The following MS4A15 variants were observed in gnomAD, a reference collection of about 807,000 sequenced individuals.
MS4A15 encodes the protein membrane-spanning 4-domains subfamily A member 15.
A neutral mutation model predicts 20.6 loss-of-function variants in MS4A15; 22 were observed. That is an observed-to-expected ratio of 1.07 (90% CI 0.76 to 1.52). The LOEUF is 1.52. Among genes scored for constraint, MS4A15 ranks in the 40% most tolerant of loss-of-function variants. The pLI, the probability that MS4A15 is intolerant of heterozygous loss-of-function variation, is 0.00. For synonymous variants in MS4A15, 129 were observed against 129.3 expected (o/e 1.00, Z 0.02); for missense variants, 312 against 323.0 (o/e 0.97, Z 0.26).
chr11:60,763,762 TG>T lies in MS4A15; in HGVS notation c.30del (p.Phe11LeufsTer57), dbSNP rs747444857. The T allele has an allele frequency of 2.5e-5, 41 of 1,612,030 alleles. 1 individual carries two copies. In the South Asian group the frequency reaches 4.5e-4, roughly 18 times the overall value. MSAAPASNG[V>X]FVVIPPNNAS... Reference sequence around the variant, plus strand: ...TCTGCAGCTCCCGCCAGCAATGGAGTGTTTGTTGTCATCCCGCCAAACAACG... The same window carrying T: ...TCTGCAGCTCCCGCCAGCAATGGAGTTTTGTTGTCATCCCGCCAAACAACG... On this transcript the variant is annotated frameshift_variant, in exon 2 of 7. Coordinates refer to ENST00000405633, the MANE Select transcript of MS4A15 (RefSeq NM_001098835.2). LOFTEE classifies it high-confidence loss of function.
intron 1 of MS4A15, among the ~76,000 whole-genome samples, chr11:60,759,559 A>G (rs1853679944): frequency 6.6e-6 from 1 of 152,090 alleles, no homozygotes; most frequent in South Asian, 2.1e-4. Context: ...GATTAGTAAA[A>G]GAGGAAGGCC....
intron 2 of MS4A15, among the ~76,000 whole-genome samples, 189 bp from the exon 3 acceptor site, chr11:60,767,344 G>A (rs966557097): frequency 3.9e-5 from 6 of 152,250 alleles, no homozygotes; most frequent in East Asian, 1.9e-4. Flanking sequence ...AGGCTGCGGG[G>A]AACTAGCTTT....
chr11:60,758,993 C>T (rs572786907), intron 1 of MS4A15, among the ~76,000 whole-genome samples: 21 of 152,306 alleles, frequency 1.4e-4, no homozygotes, highest in Admixed American at 1.1e-3. Flanking sequence ...TTAGTGATTC[C>T]GCTTATGCGG....
intron 3 of MS4A15, among the ~76,000 whole-genome samples, chr11:60,768,632 C>A (rs1399031554): frequency 1.3e-5 from 2 of 152,226 alleles, no homozygotes; most frequent in Non-Finnish European, 2.9e-5. Context: ...GTCACTGAAT[C>A]TCGATACTCA....
chr11:60,771,459 G>C (rs187204449), intron 4 of MS4A15, 112 bp downstream of exon 4: 4 of 1,558,000 alleles, frequency 2.6e-6, no homozygotes, highest in African/African-American at 1.4e-5. Context: ...GCACTTCAGG[G>C]GACCTGCAAA....
In MS4A15 at chr11:60,775,852, T is replaced by G. The variant is rs191139576; in HGVS notation, c.*137T>G. ...CACCACATCTACACATACTCCGGCA[T>G]CTGAGTGAAGTGTCCCCAGGGACAT... On this transcript the variant is annotated 3_prime_UTR_variant, in exon 7 of 7. Coordinates refer to ENST00000405633, the MANE Select transcript of MS4A15 (RefSeq NM_001098835.2). 26 of 641,908 alleles carry G rather than the reference T, an allele frequency of 4.1e-5. No individual in the cohort carries two copies. In the East Asian group the frequency reaches 4.6e-4, roughly 11 times the overall value. The allele number at this position is 641,908 out of a possible 1,614,324, so 39.8% of individuals were successfully genotyped here.
intron 1 of MS4A15, among the ~76,000 whole-genome samples, chr11:60,762,215 G>A (rs1039724316): frequency 1.3e-5 from 2 of 152,150 alleles, no homozygotes; most frequent in Admixed American, 6.5e-5. Context: ...TTCAAAAACA[G>A]GTAAATATTA....
At chr11:60,761,468 CTCCA>C (rs1457132829) in intron 1 of MS4A15, among the ~76,000 whole-genome samples, 1 of 152,152 alleles carries the variant, frequency 6.6e-6, no homozygotes, top group Non-Finnish European at 1.5e-5. Context: ...ATTCAGTGGT[CTCCA>C]TCCAGACAGC....
intron 6 of MS4A15, among the ~76,000 whole-genome samples, chr11:60,774,820 A>T (rs2134733228): frequency 6.6e-6 from 1 of 152,162 alleles, no homozygotes; most frequent in East Asian, 1.9e-4. Context: ...GCACGATGGG[A>T]TGCATTGAGG....
intron 3 of MS4A15, among the ~76,000 whole-genome samples, chr11:60,769,428 G>C (rs1205141551): frequency 1.3e-5 from 2 of 152,092 alleles, no homozygotes; most frequent in Non-Finnish European, 2.9e-5. Flanking sequence ...GAAAGAGGCA[G>C]TCAGCCGGCA....
chr11:60,774,109 AG>A (rs1216420786), intron 6 of MS4A15, among the ~76,000 whole-genome samples, 159 bp downstream of exon 6: 4 of 152,088 alleles, frequency 2.6e-5, no homozygotes, highest in African/African-American at 4.8e-5. Context: ...CATCCATGTC[AG>A]GGGGCCCAAA....
intron 1 of MS4A15, among the ~76,000 whole-genome samples, chr11:60,759,923 T>C (rs1310476438): frequency 6.6e-6 from 1 of 152,058 alleles, no homozygotes; most frequent in African/African-American, 2.4e-5. Flanking sequence ...ATAGTGAAAA[T>C]AGTAATCAAT....
At chr11:60,759,702 T>C (rs1425968267) in intron 1 of MS4A15, among the ~76,000 whole-genome samples, 1 of 152,190 alleles carries the variant, frequency 6.6e-6, no homozygotes, top group Non-Finnish European at 1.5e-5. Flanking sequence ...AGGCGAGATA[T>C]GCTGGCAGCA....
At chr11:60,757,811 T>A (rs1853631432) in intron 1 of MS4A15, among the ~76,000 whole-genome samples, 1 of 152,152 alleles carries the variant, frequency 6.6e-6, no homozygotes, top group East Asian at 1.9e-4. Flanking sequence ...TCAAACTTTC[T>A]TAGTAGAGGG....
rs775462621 is a variant in MS4A15, at chr11:60,775,586, A to G, written c.613-19A>G. 1 of 1,607,074 alleles carries G rather than the reference A, an allele frequency of 6.2e-7. No individual in the cohort carries two copies. The highest frequency in any genetic ancestry group is 1.1e-5 in the South Asian group (1 of 90,884). On this transcript the variant is annotated intron_variant, in intron 6 of 6. Transcript: ENST00000405633. ...AGCTCCAGCGTCCTCCAGGACGCTC[A>G]GTGCTGTTTTCTTTGCAGCCTGTGA...
At chr11:60,770,192 A>C (rs754142784) in intron 3 of MS4A15, among the ~76,000 whole-genome samples, 13 of 152,160 alleles carry the variant, frequency 8.5e-5, no homozygotes, top group Non-Finnish European at 1.9e-4. Flanking sequence ...GACAACCCTG[A>C]CACCCACCCA....
At chr11:60,771,643 G>A in intron 4 of MS4A15, 1 of 1,441,850 alleles carries the variant, frequency 6.9e-7, no homozygotes, top group South Asian at 1.2e-5. Context: ...GTCCTGCTGG[G>A]CCTTGGTGAG....
rs1331503337 is a variant in MS4A15 at position 60,767,652 on chromosome 11, C to T, written c.345C>T (p.Ala115=). The change falls in exon 3 of 7, where the codon GCC becomes GCT. Residue 115 remains alanine, a synonymous_variant. Coordinates refer to ENST00000405633, the MANE Select transcript of MS4A15 (RefSeq NM_001098835.2). ...GCGGCGTCCCCTTCTGGGGAGGAGC[C>T]TGCGTGAGTGCCGGGGCCATGGAGA... ...IEGGVPFWGG[A]CFIISGSLSV... 4 of 1,550,036 alleles carry T rather than the reference C, an allele frequency of 2.6e-6. No homozygotes were observed. The Admixed American group carries it at 7.9e-5, about 31-fold the overall frequency.
chr11:60,758,636 CA>C (rs1231029597), intron 1 of MS4A15, among the ~76,000 whole-genome samples: 1 of 152,098 alleles, frequency 6.6e-6, no homozygotes, highest in Non-Finnish European at 1.5e-5. Flanking sequence ...TACCTTTAAG[CA>C]AAAAACAATT....
Sources: allele counts gnomAD v4.1 joint callset (sites outside exome capture counted in the v4.1 genomes callset), GRCh38; gene constraint gnomAD v4.1.1; transcripts MANE v1.5; gene names NCBI Gene and HGNC (gene_info 2026-07-23, HGNC 2026-07-21).